Variants in CCDC42 observed in about 807,000 individuals in gnomAD.
CCDC42 encodes coiled-coil domain-containing protein 42.
A neutral mutation model predicts 40.8 loss-of-function variants in CCDC42; 38 were observed. That is an observed-to-expected ratio of 0.93 (90% CI 0.72 to 1.22). The LOEUF is 1.22. Ranked by LOEUF, CCDC42 falls within the 50% of genes most tolerant of loss-of-function variation. CCDC42 has a pLI of 0.00. For missense variants in CCDC42, 379 were observed against 416.5 expected, an observed-to-expected ratio of 0.91 and a Z score of 0.78; for synonymous variants, 135 against 157.5, an observed-to-expected ratio of 0.86 and a Z score of 1.07.
chr17:8,735,079 C>T lies in CCDC42; in HGVS notation c.873+17G>A. On this transcript the variant is annotated intron_variant, in intron 6 of 6. Coordinates refer to ENST00000293845, the MANE Select transcript of CCDC42 (RefSeq NM_144681.3). This position sits in a 1 kb window ranked among gnomAD's most constrained non-coding sequence, Gnocchi z 4.7. ...CCAGCCGACCCCACGGGCCCAGTGCCTGTCCCCTCCTCCTACCATGTCCAG... is the reference window on the plus strand; with the variant it reads ...CCAGCCGACCCCACGGGCCCAGTGCTTGTCCCCTCCTCCTACCATGTCCAG... The T allele has an allele frequency of 6.2e-7, 1 of 1,614,012 alleles. No homozygotes were observed. The highest frequency in any genetic ancestry group is 8.5e-7 in the Non-Finnish European group (1 of 1,179,958).
At chr17:8,736,739 G>A (rs919816945) in intron 4 of CCDC42, among the ~76,000 whole-genome samples, 8 of 152,262 alleles carry the variant, frequency 5.3e-5, no homozygotes, top group Middle Eastern at 3.4e-3. Context: ...GCTGAAATGA[G>A]ATGAGAGGTA....
At chr17:8,739,992 T>G (rs779749016) in intron 4 of CCDC42, among the ~76,000 whole-genome samples, 1 of 152,114 alleles carries the variant, frequency 6.6e-6, no homozygotes, top group Non-Finnish European at 1.5e-5. Flanking sequence ...GACTCATGCA[T>G]GAGTAAATTA....
At position 8,743,637 on chromosome 17, in the gene CCDC42, G is replaced by T. The variant is rs980758717; in HGVS notation, c.283C>A (p.Gln95Lys). The change falls in exon 3 of 7, where the codon CAG becomes AAG. Residue 95 changes from glutamine to lysine, a missense_variant. Transcript: ENST00000293845. ...QLKAHIQKSE[Q>K]FIQENDQKRI... ...ACACCCCTTCAAACCTGGATGAACT[G>T]CTCAGACTTCTGGATGTGAGCCTTC... 1 of 1,606,266 alleles carries T rather than the reference G, an allele frequency of 6.2e-7. No individual in the cohort carries two copies.
chr17:8,739,573 G>A (rs1261593187), intron 4 of CCDC42, among the ~76,000 whole-genome samples: 3 of 152,016 alleles, frequency 2.0e-5, no homozygotes, highest in Non-Finnish European at 2.9e-5. Context: ...ACGGAGTTTC[G>A]CTCTTGTCGC....
intron 2 of CCDC42, 137 bp from the exon 3 acceptor site, chr17:8,743,867 C>G (rs1281886333): frequency 7.5e-6 from 5 of 668,942 alleles, no homozygotes; most frequent in Non-Finnish European, 1.3e-5. Flanking sequence ...ACTTTCTACC[C>G]CATGCCTGGC....
Position 8,735,139 on chromosome 17 carries a change from A to C in CCDC42, c.830T>G (p.Val277Gly). ...FQIVSKHLKE[V>G]TEVALEDTHK... ...GGTGTCCTCCAGTGCCACCTCAGTC[A>C]CCTCCTTCAGGTGCTTGCTCACGAT... Residue 277 changes from valine to glycine, a missense_variant, in exon 6 of 7, where the codon GTG (valine) becomes GGG (glycine). Transcript: ENST00000293845. The surrounding 1 kb of genome is among the most constrained non-coding windows in gnomAD (Gnocchi z 4.7). 1.2e-6 allele frequency: 2 copies of C among 1,613,720 alleles called. No homozygotes were observed. The highest frequency in any genetic ancestry group is 1.7e-6 in the Non-Finnish European group (2 of 1,179,944).
intron 4 of CCDC42, among the ~76,000 whole-genome samples, chr17:8,737,422 T>C (rs1310146539): frequency 6.6e-6 from 1 of 152,212 alleles, no homozygotes; most frequent in Non-Finnish European, 1.5e-5. Context: ...CAGTTCACAA[T>C]GATACTAGAA....
intron 2 of CCDC42, 120 bp downstream of exon 2, chr17:8,743,959 G>C: frequency 1.3e-6 from 1 of 745,668 alleles, no homozygotes; most frequent in East Asian, 2.6e-5. Context: ...GATCACCATA[G>C]AGGACTCCTG....
chr17:8,730,341 A>T lies in CCDC42; in HGVS notation c.874-134T>A. ...GTGACTGACTTCTTTTTAAATTTTT[A>T]TTTATTTATTTTTTTGATACAAGAG... On this transcript the variant is annotated intron_variant, in intron 6 of 6. Coordinates refer to ENST00000293845, the MANE Select transcript of CCDC42 (RefSeq NM_144681.3). The T allele has an allele frequency of 1.2e-5, 7 of 591,838 alleles. 1 individual carries two copies. In the South Asian group the frequency reaches 1.6e-4, roughly 14 times the overall value. 36.7% of individuals were successfully genotyped at this position (591,838 alleles called of 1,614,324 possible).
intron 6 of CCDC42, among the ~76,000 whole-genome samples, chr17:8,731,208 G>C (rs751183290): frequency 3.9e-5 from 6 of 152,162 alleles, no homozygotes; most frequent in Non-Finnish European, 7.3e-5. Flanking sequence ...ACCACAGTGA[G>C]ATACCATCTC....
At chr17:8,733,291 G>A (rs1157675335) in intron 6 of CCDC42, among the ~76,000 whole-genome samples, 1 of 152,164 alleles carries the variant, frequency 6.6e-6, no homozygotes, top group Non-Finnish European at 1.5e-5. Context: ...CGACTCGGTC[G>A]TGTATTTCCG....
In CCDC42 at chr17:8,730,112, T is replaced by C; in HGVS notation, c.*18A>G. 1.2e-6 allele frequency: 2 copies of C among 1,612,174 alleles called. No homozygotes were observed. Among genetic ancestry groups the C allele is most frequent in the Non-Finnish European group, 1.7e-6 (2 of 1,178,338 alleles). Reference sequence around the variant, plus strand: ...TCACGATCTCTGTCTCAGGACATTCTGGAACAAGGCTGCCTCCTTAAATCC... The same window carrying C: ...TCACGATCTCTGTCTCAGGACATTCCGGAACAAGGCTGCCTCCTTAAATCC... On this transcript the variant is annotated 3_prime_UTR_variant, in exon 7 of 7. Transcript: ENST00000293845.
chr17:8,731,542 C>A (rs1479468583), intron 6 of CCDC42, among the ~76,000 whole-genome samples: 1 of 152,180 alleles, frequency 6.6e-6, no homozygotes. Context: ...AAATGTGGTA[C>A]TTATACACCA....
rs746434944 is a variant in CCDC42, at chr17:8,744,118, C to A, written c.150G>T (p.Glu50Asp). ...PSIWLLEKKK[E>D]TEIMHQTMVQ... The stretch of plus-strand genomic sequence containing the variant: ...CCATAGTTTGATGCATGATTTCTGT[C>A]TCCTTTTTCTTCTCCAGTAGCCAGA... The change falls in exon 2 of 7, where the codon GAG becomes GAT. Residue 50 changes from glutamate (E) to aspartate (D), a missense_variant. Coordinates refer to ENST00000293845, the MANE Select transcript of CCDC42 (RefSeq NM_144681.3). 2.5e-6 allele frequency: 4 copies of A among 1,614,014 alleles called. No individual in the cohort carries two copies. The highest frequency in any genetic ancestry group is 1.7e-5 in the Admixed American group (1 of 59,994).
In CCDC42 at chr17:8,743,701, G is replaced by T. The variant is rs1453289502; in HGVS notation, c.219C>A (p.Asn73Lys). The T allele has an allele frequency of 3.8e-6, 6 of 1,590,374 alleles. No individual in the cohort carries two copies. Among genetic ancestry groups the T allele is most frequent in the East Asian group, 4.5e-5 (2 of 44,778 alleles). The change falls in exon 3 of 7, where the codon AAC (asparagine) becomes AAA (lysine). Residue 73 changes from asparagine (N) to lysine (K), a missense_variant. Asn to Lys is a moderately conservative substitution (Grantham distance 94, BLOSUM62 0). Coordinates refer to ENST00000293845, the MANE Select transcript of CCDC42 (RefSeq NM_144681.3). ...TAACGCCCAGTTCCTCCCAGCGCAG[G>T]TTCAGGGTTTCCATTCTGCGCTGAA... ...KMFQRRMETL[N>K]LRWEELGVKE... is the part of the protein sequence containing the mutation.
chr17:8,731,698 G>C (rs2086581129), intron 6 of CCDC42, among the ~76,000 whole-genome samples: 1 of 152,200 alleles, frequency 6.6e-6, no homozygotes, highest in African/African-American at 2.4e-5. Flanking sequence ...GGAGCTAAAT[G>C]ATGAGAACAC....
chr17:8,741,459 G>T lies in CCDC42; in HGVS notation c.492+15C>A. The T allele has an allele frequency of 6.2e-7, 1 of 1,613,068 alleles. No homozygotes were observed. Among genetic ancestry groups the T allele is most frequent in the Admixed American group, 1.7e-5 (1 of 60,026 alleles). On this transcript the variant is annotated intron_variant, in intron 4 of 6. Coordinates refer to ENST00000293845, the MANE Select transcript of CCDC42 (RefSeq NM_144681.3). ...GGAAGGTGCCAGGGCCGGCCCCCCT[G>T]CTCCTTGGACTCACCTCGGAGTTCT...
intron 4 of CCDC42, among the ~76,000 whole-genome samples, chr17:8,736,264 G>T (rs2086610981): frequency 6.6e-6 from 1 of 152,240 alleles, no homozygotes; most frequent in African/African-American, 2.4e-5. Flanking sequence ...GGGGGATAGG[G>T]CTGGAGGGGA....
chr17:8,741,662 G>C lies in CCDC42; in HGVS notation c.304C>G (p.Gln102Glu), dbSNP rs772893503. 1.2e-6 allele frequency: 2 copies of C among 1,612,554 alleles called. No individual in the cohort carries two copies. The highest frequency in any genetic ancestry group is 2.2e-5 in the South Asian group (2 of 91,004). Residue 102 changes from glutamine (Q) to glutamate (E), a missense_variant, in exon 4 of 7, where the codon CAG (glutamine) becomes GAG (glutamate). Physicochemically the swap from Gln to Glu is conservative, Grantham distance 29. Transcript: ENST00000293845. Reference sequence around the variant, plus strand: ...TTCTTCATGGCGCGGATCCGTTTCTGGTCGTTCTCCTGGGGCCCGGGGAGG... The same window carrying C: ...TTCTTCATGGCGCGGATCCGTTTCTCGTCGTTCTCCTGGGGCCCGGGGAGG... ...KSEQFIQENDQKRIRAMKKAN... is the reference protein window; with the variant it reads ...KSEQFIQENDEKRIRAMKKAN...
Sources: gnomAD v4.1 joint callset for allele counts (sites outside exome capture counted in the v4.1 genomes callset) on GRCh38, gnomAD v4.1.1 for gene constraint, Gnocchi (gnomAD v3.1) non-coding constraint, MANE v1.5 for transcripts, NCBI Gene and HGNC (gene_info 2026-07-23, HGNC 2026-07-21) for gene names.